PPARGC1B: variants seen among roughly 807,000 people sequenced by gnomAD.
PPARGC1B encodes the protein peroxisome proliferator-activated receptor gamma coactivator 1-beta.
A neutral mutation model predicts 101.6 loss-of-function variants in PPARGC1B; 34 were observed. The observed-to-expected ratio is 0.33, with a 90% CI of 0.25 to 0.45. PPARGC1B has a LOEUF of 0.45. Ranked by LOEUF, PPARGC1B falls within the 20% of genes least tolerant of loss-of-function variation. The probability of loss-of-function intolerance (pLI) is 1.00; values close to 1 mark genes in which losing one functional copy is unlikely to be tolerated. For missense variants in PPARGC1B, 1,234 were observed against 1,317.6 expected, an observed-to-expected ratio of 0.94 and a Z score of 0.98; for synonymous variants, 548 against 539.3, an observed-to-expected ratio of 1.02 and a Z score of -0.22.
intron 1 of PPARGC1B, among the ~76,000 whole-genome samples, chr5:149,793,219 G>A (rs1757088244): frequency 6.6e-6 from 1 of 152,082 alleles, no homozygotes; most frequent in South Asian, 2.1e-4. Context: ...TTGCCTTCCT[G>A]AGAAGTGGGT....
Position 149,832,884 on chromosome 5 carries a change from G to C in PPARGC1B, c.811G>C (p.Gly271Arg). Residue 271 changes from glycine to arginine, a missense_variant, in exon 5 of 12, where the codon GGC becomes CGC. By Grantham distance (125) the Gly-to-Arg change is moderately radical. Around this residue, in one of 3 missense-constraint regions of PPARGC1B, gnomAD observed 734 missense variants for 768.4 expected, o/e 0.96. Coordinates refer to ENST00000309241, the MANE Select transcript of PPARGC1B (RefSeq NM_133263.4). The surrounding 1 kb of genome is among the most constrained non-coding windows in gnomAD (Gnocchi z 4.9). ...PASPRDSLAL[G>R]RADPGAPVSQ... ...CTCTCCCCGGGACTCCCTAGCTCTG[G>C]GCAGGGCAGACCCCGGTGCCCCGGT... The C allele has an allele frequency of 6.2e-7, 1 of 1,612,886 alleles. No homozygotes were observed. The highest frequency in any genetic ancestry group is 8.5e-7 in the Non-Finnish European group (1 of 1,179,826).
chr5:149,738,787 G>A (rs372033049), intron 1 of PPARGC1B, among the ~76,000 whole-genome samples: 1 of 152,100 alleles, frequency 6.6e-6, no homozygotes, highest in Non-Finnish European at 1.5e-5. Context: ...AGTAGAGATG[G>A]GGTTTCACCA....
rs1047264454 is a variant in PPARGC1B at position 149,812,353 on chromosome 5, G to C, written c.79-8080G>C. ...CTGTAGGTATTTCTGTGGGGACTAA[G>C]ATAAACTACTCTCCCCACTCTTCTC... On this transcript the variant is annotated intron_variant, in intron 1 of 11. Transcript: ENST00000309241. Among the ~76,000 whole-genome samples the C allele has an allele frequency of 2.0e-5, 3 of 152,290 alleles. No homozygotes were observed. The East Asian group carries it at 5.8e-4, about 29-fold the overall frequency.
intron 1 of PPARGC1B, among the ~76,000 whole-genome samples, chr5:149,753,984 G>A (rs573470778): frequency 2.8e-4 from 42 of 152,278 alleles, no homozygotes; most frequent in Non-Finnish European, 1.5e-5. Flanking sequence ...GTGAGCCACC[G>A]CACCTGGCCG....
intron 9 of PPARGC1B, among the ~76,000 whole-genome samples, chr5:149,840,391 G>C (rs73796291): frequency 1.3e-5 from 2 of 152,216 alleles, no homozygotes; most frequent in Non-Finnish European, 2.9e-5. Context: ...AGGGCTCAGC[G>C]TCAGGGGCCT....
intron 1 of PPARGC1B, chr5:149,817,659 C>T (rs1326312397): frequency 1.1e-5 from 5 of 454,608 alleles, no homozygotes; most frequent in African/African-American, 1.0e-4. Flanking sequence ...AACACAGTGC[C>T]TGGCTCATAG....
intron 1 of PPARGC1B, among the ~76,000 whole-genome samples, chr5:149,768,181 G>A (rs888028906): frequency 3.3e-5 from 5 of 152,156 alleles, no homozygotes; most frequent in African/African-American, 4.8e-5. Context: ...CGGATATTCC[G>A]CCTTGATTTT....
At chr5:149,796,101 T>C (rs1030176) in intron 1 of PPARGC1B, among the ~76,000 whole-genome samples, 134,648 of 152,178 alleles carry the variant, frequency 0.88, 59,745 homozygotes, top group African/African-American at 0.94. Flanking sequence ...TGGACAGAAC[T>C]AACAAGGCCA....
intron 1 of PPARGC1B, among the ~76,000 whole-genome samples, chr5:149,765,847 T>C (rs10052136): frequency 0.16 from 19,969 of 122,872 alleles, 2,728 homozygotes; most frequent in African/African-American, 0.41. Flanking sequence ...GGTGACAGAG[T>C]GAGACTCCGT....
In PPARGC1B at chr5:149,836,948, C is replaced by T; in HGVS notation, c.2493C>T (p.Cys831=). The T allele has an allele frequency of 6.2e-7, 1 of 1,614,056 alleles. No homozygotes were observed. Among genetic ancestry groups the T allele is most frequent in the Non-Finnish European group, 8.5e-7 (1 of 1,180,034 alleles). The change falls in exon 8 of 12, where the codon TGC becomes TGT. Residue 831 remains cysteine (C), a synonymous_variant. Coordinates refer to ENST00000309241, the MANE Select transcript of PPARGC1B (RefSeq NM_133263.4). ...EEEDSGVSPT[C]SDHCPYQSPP... ...AGGACTCAGGGGTCAGCCCCACTTG[C>T]TCTGACCACTGCCCCTACCAGAGCC...
At chr5:149,750,793 C>G (rs909651484) in intron 1 of PPARGC1B, among the ~76,000 whole-genome samples, 44 of 152,324 alleles carry the variant, frequency 2.9e-4, no homozygotes, top group Non-Finnish European at 4.7e-4. Context: ...ATTTTGCAGC[C>G]GGGTGCATTA....
intron 1 of PPARGC1B, among the ~76,000 whole-genome samples, chr5:149,734,812 T>A (rs1361611872): frequency 6.6e-6 from 1 of 152,242 alleles, no homozygotes; most frequent in East Asian, 1.9e-4. Context: ...GTTACCCTTA[T>A]TGTTTTAATG....
intron 1 of PPARGC1B, among the ~76,000 whole-genome samples, chr5:149,791,200 T>TG (rs1757003511): frequency 1.5e-5 from 1 of 66,924 alleles, no homozygotes; most frequent in Non-Finnish European, 2.7e-5. Context: ...GAGAATTGTC[T>TG]GGGGCGGGGG....
intron 1 of PPARGC1B, among the ~76,000 whole-genome samples, chr5:149,753,301 G>A (rs1031932079): frequency 6.6e-6 from 1 of 151,540 alleles, no homozygotes. Flanking sequence ...CTGCCTCCCG[G>A]GTTCAAGCGA....
chr5:149,835,476 C>G (rs1432862804), intron 7 of PPARGC1B, 111 bp downstream of exon 7: 2 of 932,278 alleles, frequency 2.1e-6, no homozygotes, highest in Non-Finnish European at 1.7e-6. Flanking sequence ...GCGCAAGATG[C>G]CTGCCTTCAC....
At chr5:149,777,653 C>T (rs1167202149) in intron 1 of PPARGC1B, among the ~76,000 whole-genome samples, 7 of 152,252 alleles carry the variant, frequency 4.6e-5, no homozygotes, top group East Asian at 3.9e-4. Flanking sequence ...GCCGGGCAGC[C>T]GGCCCCTCCC....
chr5:149,789,221 ATTCCT>A (rs1756922200), intron 1 of PPARGC1B, among the ~76,000 whole-genome samples: 2 of 152,192 alleles, frequency 1.3e-5, no homozygotes, highest in African/African-American at 2.4e-5. Context: ...TGTAGTAGCC[ATTCCT>A]TTACTTTTTT....
chr5:149,766,387 C>G (rs1554133323), intron 1 of PPARGC1B, among the ~76,000 whole-genome samples: 2 of 152,166 alleles, frequency 1.3e-5, no homozygotes, highest in African/African-American at 2.4e-5. Flanking sequence ...CTAGGGCAGA[C>G]AGCTTGACTA....
chr5:149,760,403 G>A (rs1189252052), intron 1 of PPARGC1B, among the ~76,000 whole-genome samples: 1 of 152,230 alleles, frequency 6.6e-6, no homozygotes, highest in African/African-American at 2.4e-5. Flanking sequence ...TGAGGATTCT[G>A]CTACTTAACA....
Sources: gnomAD v4.1 joint callset for allele counts (sites outside exome capture counted in the v4.1 genomes callset) on GRCh38, gnomAD v4.1.1 for gene constraint, gnomAD v4.1.1 regional missense constraint, Gnocchi (gnomAD v3.1) non-coding constraint, MANE v1.5 for transcripts, NCBI Gene and HGNC (gene_info 2026-07-23, HGNC 2026-07-21) for gene names.